The following SLC25A21 variants were observed in gnomAD, a reference collection of about 807,000 sequenced individuals.
SLC25A21 encodes solute carrier family 25 member 21, also known as mitochondrial 2-oxodicarboxylate carrier.
In SLC25A21, 47 loss-of-function variants were observed where a neutral mutation model predicts 43.8. That is an observed-to-expected ratio of 1.07 (90% CI 0.85 to 1.37). The LOEUF (loss-of-function observed/expected upper bound fraction) is 1.37. SLC25A21 is among the 40% of genes most tolerant of loss of function. SLC25A21 has a pLI of 0.00. For missense variants in SLC25A21, 352 were observed against 350.2 expected, an observed-to-expected ratio of 1.00 and a Z score of -0.04; for synonymous variants, 131 against 121.3, an observed-to-expected ratio of 1.08 and a Z score of -0.52.
intron 1 of SLC25A21, among the ~76,000 whole-genome samples, chr14:36,942,606 T>A (rs1892590668): frequency 6.6e-6 from 1 of 152,078 alleles, no homozygotes; most frequent in South Asian, 2.1e-4. Context: ...AGAAAGAAAA[T>A]TTGGAGGGGT....
At chr14:36,875,341 T>C (rs1890489353) in intron 1 of SLC25A21, among the ~76,000 whole-genome samples, 1 of 151,976 alleles carries the variant, frequency 6.6e-6, no homozygotes, top group Non-Finnish European at 1.5e-5. Context: ...TAAGGATATG[T>C]GGAAGGAAGG....
intron 1 of SLC25A21, among the ~76,000 whole-genome samples, chr14:37,013,648 T>G (rs1465029204): frequency 6.6e-6 from 1 of 152,182 alleles, no homozygotes; most frequent in African/African-American, 2.4e-5. Context: ...CTGGTGATTT[T>G]TTTGTAAAAT....
intron 1 of SLC25A21, among the ~76,000 whole-genome samples, chr14:36,905,103 A>AT (rs1891500438): frequency 6.6e-6 from 1 of 152,174 alleles, no homozygotes; most frequent in Non-Finnish European, 1.5e-5. Flanking sequence ...TGGCATTAGA[A>AT]TTTTGATTCC....
At chr14:36,722,709 T>G (rs1315966908) in intron 6 of SLC25A21, among the ~76,000 whole-genome samples, 2 of 152,240 alleles carry the variant, frequency 1.3e-5, no homozygotes, top group Admixed American at 1.3e-4. Context: ...GCTCACATAT[T>G]TCTATTAGAT....
chr14:37,133,281 A>G (rs928126106), intron 1 of SLC25A21, among the ~76,000 whole-genome samples: 3 of 151,750 alleles, frequency 2.0e-5, no homozygotes, highest in African/African-American at 7.3e-5. Flanking sequence ...AACAATTCCA[A>G]CCTCAGACAC....
intron 1 of SLC25A21, among the ~76,000 whole-genome samples, chr14:36,920,844 C>T (rs563358021): frequency 5.9e-5 from 9 of 152,130 alleles, no homozygotes; most frequent in East Asian, 5.8e-4. Context: ...ACATATCTTA[C>T]GGGCAAAGTT....
intron 3 of SLC25A21, among the ~76,000 whole-genome samples, chr14:36,797,137 T>C (rs1428055065): frequency 6.6e-6 from 1 of 152,192 alleles, no homozygotes; most frequent in Non-Finnish European, 1.5e-5. Context: ...GAAATATTAG[T>C]GGTAATTATA....
intron 1 of SLC25A21, among the ~76,000 whole-genome samples, chr14:36,912,448 T>C (rs997800491): frequency 2.0e-5 from 3 of 152,144 alleles, no homozygotes; most frequent in Admixed American, 2.0e-4. Context: ...CAATTGGTGC[T>C]GCTATACAAG....
intron 1 of SLC25A21, among the ~76,000 whole-genome samples, chr14:36,994,903 C>T (rs920428959): frequency 6.6e-6 from 1 of 152,146 alleles, no homozygotes; most frequent in African/African-American, 2.4e-5. Flanking sequence ...CCCCTTCTTA[C>T]CTTGCACTAG....
chr14:36,746,791 G>A (rs1240230008), intron 3 of SLC25A21, among the ~76,000 whole-genome samples: 2 of 152,012 alleles, frequency 1.3e-5, no homozygotes, highest in Non-Finnish European at 2.9e-5. Context: ...TATACTCTGT[G>A]CCAAGCACTA....
intron 1 of SLC25A21, among the ~76,000 whole-genome samples, chr14:36,898,411 A>G (rs848690): frequency 0.98 from 149,665 of 152,134 alleles, 73,677 homozygotes; most frequent in East Asian, 1. Context: ...GGAGTGACCC[A>G]ATTTTCCAGG....
intron 6 of SLC25A21, 44 bp downstream of exon 6, chr14:36,725,526 A>T (rs1341559299): frequency 2.0e-5 from 13 of 660,232 alleles, no homozygotes; most frequent in East Asian, 3.8e-5. Context: ...TAAATAAATA[A>T]ATTTTTACAT....
intron 1 of SLC25A21, among the ~76,000 whole-genome samples, chr14:37,066,483 A>G (rs1455317090): frequency 6.6e-6 from 1 of 152,072 alleles, no homozygotes; most frequent in Non-Finnish European, 1.5e-5. Context: ...AGATGAAATA[A>G]AAAGCATTGT....
Position 37,040,371 on chromosome 14 carries a change from GA to G in SLC25A21, c.70+131909del, listed in dbSNP as rs1566835350. 1.4e-3 allele frequency among the ~76,000 whole-genome samples: 55 copies of G among 40,144 alleles called. 7 individuals are homozygous for G. Among genetic ancestry groups the G allele is most frequent in the African/African-American group, 2.4e-3 (6 of 2,462 alleles). 26.3% of individuals were successfully genotyped at this position (40,144 alleles called of 152,430 possible). Reference sequence around the variant, plus strand: ...AAGGAAGGAAAGAAAGAGAGAGAGAGAGAGAAAGAAAGAAAGAAAGAAAGAA... The same window carrying G: ...AAGGAAGGAAAGAAAGAGAGAGAGAGGAGAAAGAAAGAAAGAAAGAAAGAA... On this transcript the variant is annotated intron_variant, in intron 1 of 9. Coordinates refer to ENST00000331299, the MANE Select transcript of SLC25A21 (RefSeq NM_030631.4).
At chr14:36,773,786 C>A (rs866832991) in intron 3 of SLC25A21, among the ~76,000 whole-genome samples, 11 of 152,180 alleles carry the variant, frequency 7.2e-5, no homozygotes, top group Non-Finnish European at 1.5e-4. Flanking sequence ...AAATAACTTA[C>A]CCAGCCAGGT....
At chr14:37,122,828 C>T (rs760427563) in intron 1 of SLC25A21, among the ~76,000 whole-genome samples, 2 of 147,616 alleles carry the variant, frequency 1.4e-5, no homozygotes, top group African/African-American at 2.5e-5. Flanking sequence ...GAATTATTTA[C>T]CAAAATACTA....
intron 2 of SLC25A21, among the ~76,000 whole-genome samples, chr14:36,830,369 GA>G: frequency 6.6e-6 from 1 of 152,206 alleles, no homozygotes; most frequent in Non-Finnish European, 1.5e-5. Flanking sequence ...CTCATTCGCG[GA>G]AGTGAGGAGG....
chr14:36,901,517 TAAATAG>T (rs1289671959), intron 1 of SLC25A21, among the ~76,000 whole-genome samples: 1 of 152,180 alleles, frequency 6.6e-6, no homozygotes, highest in African/African-American at 2.4e-5. Flanking sequence ...CATTTAAAAA[TAAATAG>T]AATTTTATAA....
intron 1 of SLC25A21, among the ~76,000 whole-genome samples, chr14:37,056,913 C>T (rs940702246): frequency 5.3e-5 from 8 of 152,144 alleles, no homozygotes; most frequent in Admixed American, 5.2e-4. Context: ...TCAAAATCTT[C>T]TCATTTTTCT....
Sources: gnomAD v4.1 joint callset for allele counts (sites outside exome capture counted in the v4.1 genomes callset) on GRCh38, gnomAD v4.1.1 for gene constraint, MANE v1.5 for transcripts, NCBI Gene and HGNC (gene_info 2026-07-23, HGNC 2026-07-21) for gene names.